Variants in RIMS2 observed in about 807,000 individuals in gnomAD.
RIMS2 encodes the protein regulating synaptic membrane exocytosis 2.
Under a neutral mutation model 174.4 loss-of-function variants are expected in RIMS2, and 59 were observed. The ratio of observed to expected loss-of-function variants is 0.34; its 90% CI spans 0.27 to 0.42. The LOEUF (loss-of-function observed/expected upper bound fraction) is 0.42. RIMS2 is among the 10% of genes least tolerant of loss of function. The pLI is 1.00. For missense variants in RIMS2, 1,620 were observed against 1,666.3 expected (o/e 0.97, Z 0.48); for synonymous variants, 606 against 572.5 (o/e 1.06, Z -0.84).
chr8:104,079,672 A>C (rs2097373530), intron 19 of RIMS2, among the ~76,000 whole-genome samples: 1 of 131,270 alleles, frequency 7.6e-6, no homozygotes, highest in Non-Finnish European at 1.6e-5. Context: ...AACAACAGAT[A>C]GGTGAAAACA....
intron 3 of RIMS2, among the ~76,000 whole-genome samples, chr8:103,771,859 A>T (rs1445718134): frequency 6.6e-6 from 1 of 152,120 alleles, no homozygotes. Context: ...CATTCAACAG[A>T]TATTTATTGA....
chr8:103,934,793 G>A (rs377114272), intron 12 of RIMS2, among the ~76,000 whole-genome samples: 1 of 151,894 alleles, frequency 6.6e-6, no homozygotes, highest in African/African-American at 2.4e-5. Flanking sequence ...CACCTCCCGG[G>A]TTCAAGCAAT....
intron 19 of RIMS2, among the ~76,000 whole-genome samples, chr8:104,184,815 A>G (rs919122518): frequency 1.6e-4 from 24 of 151,610 alleles, no homozygotes; most frequent in African/African-American, 5.6e-4. Context: ...GATCAAGTCA[A>G]TTGACACTCA....
chr8:103,986,959 C>T (rs1179549223), intron 16 of RIMS2, among the ~76,000 whole-genome samples: 1 of 151,814 alleles, frequency 6.6e-6, no homozygotes, highest in Non-Finnish European at 1.5e-5. Context: ...TACTCTCTTC[C>T]CGCCATCCAC....
chr8:103,553,418 G>A (rs11782381), intron 1 of RIMS2, among the ~76,000 whole-genome samples: 17,631 of 152,048 alleles, frequency 0.12, 1,363 homozygotes, highest in Non-Finnish European at 0.17. Flanking sequence ...GACACAGGGT[G>A]GGGAATATCA....
At chr8:104,062,105 T>A (rs1346570788) in intron 19 of RIMS2, among the ~76,000 whole-genome samples, 1 of 152,256 alleles carries the variant, frequency 6.6e-6, no homozygotes, top group East Asian at 1.9e-4. Context: ...AAAGAACAAT[T>A]AAAATATTCA....
chr8:104,133,214 A>C (rs1467161166), intron 19 of RIMS2, among the ~76,000 whole-genome samples: 1 of 152,174 alleles, frequency 6.6e-6, no homozygotes, highest in Non-Finnish European at 1.5e-5. Flanking sequence ...GTTGGAGAAG[A>C]GCTTGACATT....
At chr8:104,013,724 A>G in intron 18 of RIMS2, 103 bp downstream of exon 20, 2 of 878,880 alleles carry the variant, frequency 2.3e-6, no homozygotes, top group South Asian at 1.6e-5. Context: ...TTGGCTGATC[A>G]CTAGTAACAA....
chr8:103,964,631 G>A (rs945021763), intron 15 of RIMS2, among the ~76,000 whole-genome samples: 6 of 152,034 alleles, frequency 3.9e-5, no homozygotes, highest in African/African-American at 1.4e-4. Context: ...AGCAGGGATT[G>A]TCTTGACATT....
chr8:103,519,095 A>T (rs1301159845), intron 1 of RIMS2, among the ~76,000 whole-genome samples: 2 of 152,034 alleles, frequency 1.3e-5, no homozygotes. Context: ...GTTATAATAA[A>T]ATTTTTACTG....
chr8:103,565,435 G>T (rs1176112537), intron 1 of RIMS2, among the ~76,000 whole-genome samples: 1 of 151,988 alleles, frequency 6.6e-6, no homozygotes, highest in East Asian at 1.9e-4. Flanking sequence ...CTTCCAAGTA[G>T]CCAGGACTAC....
At chr8:104,138,072 A>G (rs2098536267) in intron 19 of RIMS2, among the ~76,000 whole-genome samples, 1 of 152,104 alleles carries the variant, frequency 6.6e-6, no homozygotes. Flanking sequence ...GGCCTATTTC[A>G]CTTAACATAA....
At chr8:103,819,776 T>G in intron 3 of RIMS2, 1 of 577,624 alleles carries the variant, frequency 1.7e-6, no homozygotes, top group Non-Finnish European at 2.8e-6. Flanking sequence ...ATAGCATTCT[T>G]AATTTGATTT....
chr8:104,047,892 G>A (rs1054086704), intron 19 of RIMS2, among the ~76,000 whole-genome samples: 3 of 152,028 alleles, frequency 2.0e-5, no homozygotes, highest in Admixed American at 1.3e-4. Flanking sequence ...AATCAGACAG[G>A]TACGAATTAT....
chr8:103,951,545 G>A (rs1222182216), intron 14 of RIMS2, among the ~76,000 whole-genome samples: 3 of 152,170 alleles, frequency 2.0e-5, no homozygotes, highest in Non-Finnish European at 2.9e-5. Flanking sequence ...GAACCCATTA[G>A]GGACTGTACC....
chr8:104,092,621 T>G (rs939940209), intron 19 of RIMS2, among the ~76,000 whole-genome samples: 17 of 151,852 alleles, frequency 1.1e-4, no homozygotes, highest in African/African-American at 3.9e-4. Flanking sequence ...TAAGAAGCCT[T>G]TTACAGGTTA....
chr8:104,033,554 T>G (rs1482318882), intron 19 of RIMS2, among the ~76,000 whole-genome samples: 1 of 151,966 alleles, frequency 6.6e-6, no homozygotes, highest in South Asian at 2.1e-4. Flanking sequence ...AGATCTATTT[T>G]AAATATTTTA....
At chr8:103,508,650 C>T (rs893762109) in intron 1 of RIMS2, among the ~76,000 whole-genome samples, 10 of 152,092 alleles carry the variant, frequency 6.6e-5, no homozygotes, top group African/African-American at 2.2e-4. Context: ...GGATTTTAAG[C>T]AGTGACACAA....
intron 19 of RIMS2, among the ~76,000 whole-genome samples, chr8:104,029,714 C>G (rs2096345908): frequency 6.6e-6 from 1 of 152,154 alleles, no homozygotes; most frequent in South Asian, 2.1e-4. Context: ...TGTACTCAAT[C>G]TTGCTTCAGA....
Sources: gnomAD v4.1 joint callset for allele counts (sites outside exome capture counted in the v4.1 genomes callset) on GRCh38, gnomAD v4.1.1 for gene constraint, MANE v1.5 for transcripts, NCBI Gene and HGNC (gene_info 2026-07-23, HGNC 2026-07-21) for gene names.